KIF6: variants seen among roughly 807,000 people sequenced by gnomAD.
KIF6 encodes kinesin family member 6, also known as kinesin-like protein KIF6.
KIF6 carries 106 observed loss-of-function variants against 112.7 expected under a neutral mutation model. That is an observed-to-expected ratio of 0.94 (90% CI 0.80 to 1.11). The LOEUF (loss-of-function observed/expected upper bound fraction) is 1.11. Among genes scored for constraint, KIF6 ranks in the 50% least tolerant of loss-of-function variants. KIF6 has a pLI of 0.00. For synonymous variants in KIF6, 339 were observed against 339.9 expected, an observed-to-expected ratio of 1.00 and a Z score of 0.03; for missense variants, 929 against 964.0, an observed-to-expected ratio of 0.96 and a Z score of 0.48.
At chr6:39,719,896 TC>T (rs1345180580) in intron 2 of KIF6, among the ~76,000 whole-genome samples, 1 of 152,094 alleles carries the variant, frequency 6.6e-6, no homozygotes, top group Non-Finnish European at 1.5e-5. Flanking sequence ...GGTGGGAGGA[TC>T]ACTGGAGCCC....
intron 1 of KIF6, among the ~76,000 whole-genome samples, chr6:39,722,267 G>T (rs1397364376): frequency 6.6e-6 from 1 of 152,112 alleles, no homozygotes; most frequent in Non-Finnish European, 1.5e-5. Context: ...TCAGCAGACA[G>T]AAAAGAATAT....
chr6:39,651,591 G>T (rs1410543956), intron 3 of KIF6, among the ~76,000 whole-genome samples: 1 of 152,176 alleles, frequency 6.6e-6, no homozygotes, highest in Non-Finnish European at 1.5e-5. Flanking sequence ...TTAGATTTAA[G>T]TTATGAGCCT....
chr6:39,622,167 C>G (rs1385004359), intron 5 of KIF6, among the ~76,000 whole-genome samples: 2 of 121,816 alleles, frequency 1.6e-5, no homozygotes, highest in Admixed American at 8.5e-5. Context: ...AAATCCAGCT[C>G]AAAAAAAAAA....
chr6:39,722,608 T>C (rs1790282235), intron 1 of KIF6, among the ~76,000 whole-genome samples: 1 of 152,224 alleles, frequency 6.6e-6, no homozygotes, highest in Non-Finnish European at 1.5e-5. Flanking sequence ...AGTAATGCAG[T>C]AATGAAGCTA....
chr6:39,542,330 T>C (rs1264036042), intron 12 of KIF6, among the ~76,000 whole-genome samples: 1 of 152,168 alleles, frequency 6.6e-6, no homozygotes, highest in Non-Finnish European at 1.5e-5. Context: ...CTTTGCTGGG[T>C]CATGGATCCC....
chr6:39,490,676 T>C (rs1183924767), intron 13 of KIF6, among the ~76,000 whole-genome samples: 1 of 152,184 alleles, frequency 6.6e-6, no homozygotes, highest in African/African-American at 2.4e-5. Flanking sequence ...AGGATTAATA[T>C]GGTGTATTCT....
chr6:39,487,918 T>C (rs975688436), intron 13 of KIF6, among the ~76,000 whole-genome samples: 13 of 152,170 alleles, frequency 8.5e-5, no homozygotes, highest in Admixed American at 7.2e-4. Flanking sequence ...ATATTAACCC[T>C]CAACATTGGC....
intron 13 of KIF6, among the ~76,000 whole-genome samples, chr6:39,494,296 T>C (rs1474543863): frequency 6.6e-6 from 1 of 152,232 alleles, no homozygotes; most frequent in African/African-American, 2.4e-5. Flanking sequence ...CCCAGGAACA[T>C]TGCTCAGTTT....
At chr6:39,438,483 C>A (rs1031019529) in intron 13 of KIF6, among the ~76,000 whole-genome samples, 1 of 151,768 alleles carries the variant, frequency 6.6e-6, no homozygotes, top group Non-Finnish European at 1.5e-5. Flanking sequence ...AAGGTCCTGA[C>A]ACTGTGTCTT....
intron 15 of KIF6, among the ~76,000 whole-genome samples, chr6:39,395,844 T>A (rs1243190357): frequency 6.6e-6 from 1 of 152,156 alleles, no homozygotes; most frequent in Non-Finnish European, 1.5e-5. Flanking sequence ...TGAAGGGACA[T>A]AAAATCAACC....
intron 3 of KIF6, among the ~76,000 whole-genome samples, chr6:39,694,837 C>T (rs1304406445): frequency 6.6e-6 from 1 of 151,844 alleles, no homozygotes; most frequent in Non-Finnish European, 1.5e-5. Context: ...TCATATGGAA[C>T]CAAAAAAAAG....
intron 6 of KIF6, among the ~76,000 whole-genome samples, chr6:39,604,101 C>T (rs1782737564): frequency 6.6e-6 from 1 of 152,138 alleles, no homozygotes; most frequent in South Asian, 2.1e-4. Flanking sequence ...TGTCTGATAA[C>T]ACTTTCTACA....
chr6:39,528,331 C>T (rs996142181), intron 13 of KIF6, among the ~76,000 whole-genome samples: 5 of 152,180 alleles, frequency 3.3e-5, no homozygotes, highest in African/African-American at 4.8e-5. Context: ...CATTGTGTAT[C>T]TGTACCACAT....
intron 7 of KIF6, 70 bp downstream of exon 7, chr6:39,595,984 C>A: frequency 8.3e-7 from 1 of 1,205,182 alleles, no homozygotes; most frequent in Non-Finnish European, 1.2e-6. Context: ...TAATAGAATG[C>A]CTGATACATA....
chr6:39,371,626 C>T (rs559378248), intron 16 of KIF6, among the ~76,000 whole-genome samples: 1 of 152,274 alleles, frequency 6.6e-6, no homozygotes, highest in Admixed American at 6.5e-5. Context: ...GCTGCAGTGA[C>T]TATCTCTGGG....
chr6:39,557,319 T>C (rs370638451), intron 10 of KIF6, among the ~76,000 whole-genome samples: 11 of 152,136 alleles, frequency 7.2e-5, no homozygotes, highest in East Asian at 1.9e-4. Flanking sequence ...TACATTATCA[T>C]TGAGTTCTGT....
At position 39,337,176 on chromosome 6, in the gene KIF6, T is replaced by C. The variant is rs181620110; in HGVS notation, c.2429-628A>G. ...TTTCTTTTCTTTCTTTCCTTCCTTC[T>C]TTCTTTCTTTCTTTCTTTCTTTCTT... is the stretch of plus-strand genomic sequence containing the variant. On this transcript the variant is annotated intron_variant, in intron 22 of 22. Transcript: ENST00000287152. Among the ~76,000 whole-genome samples, 103 of 61,580 alleles carry C rather than the reference T, an allele frequency of 1.7e-3. 1 individual carries two copies. The highest frequency in any genetic ancestry group is 2.5e-3 in the Admixed American group (14 of 5,606). 40.4% of individuals were successfully genotyped at this position (61,580 alleles called of 152,430 possible). A position where few individuals can be genotyped will look rare whatever the true frequency, so the allele number is the denominator to read the frequency against.
At chr6:39,594,550 T>C (rs910919869) in intron 7 of KIF6, among the ~76,000 whole-genome samples, 13 of 152,156 alleles carry the variant, frequency 8.5e-5, no homozygotes, top group Non-Finnish European at 1.6e-4. Context: ...CAGGCCTTAA[T>C]CTCTTGGTGC....
intron 4 of KIF6, among the ~76,000 whole-genome samples, chr6:39,639,150 T>C (rs1452147460): frequency 6.6e-6 from 1 of 152,138 alleles, no homozygotes; most frequent in East Asian, 1.9e-4. Context: ...GATAACCCTT[T>C]TTTACAATGG....
Sources: gnomAD v4.1 joint callset for allele counts (sites outside exome capture counted in the v4.1 genomes callset) on GRCh38, gnomAD v4.1.1 for gene constraint, MANE v1.5 for transcripts, NCBI Gene and HGNC (gene_info 2026-07-23, HGNC 2026-07-21) for gene names.